KLRG1: variants seen among roughly 807,000 people sequenced by gnomAD.
The protein encoded by KLRG1 is killer cell lectin-like receptor subfamily G member 1.
In KLRG1, 16 loss-of-function variants were observed where a neutral mutation model predicts 21.8. That is an observed-to-expected ratio of 0.73 (90% CI 0.50 to 1.11). The LOEUF (loss-of-function observed/expected upper bound fraction) is 1.11. KLRG1 is among the 50% of genes most tolerant of loss of function. KLRG1 has a pLI of 0.00. For missense variants in KLRG1, 173 were observed against 218.3 expected, an observed-to-expected ratio of 0.79 and a Z score of 1.31; for synonymous variants, 69 against 75.9, an observed-to-expected ratio of 0.91 and a Z score of 0.47.
chr12:9,043,565 G>C, the KLRG1 span, among the ~76,000 whole-genome samples: 2 of 152,324 alleles, frequency 1.3e-5, no homozygotes, highest in African/African-American at 4.8e-5. Context: ...TTGTATGTGG[G>C]AGAGAGATGA....
chr12:8,963,255 A>G (rs1266132596), intron 1 of KLRG1, among the ~76,000 whole-genome samples: 1 of 152,192 alleles, frequency 6.6e-6, no homozygotes, highest in Admixed American at 6.5e-5. Flanking sequence ...CAAACAGGCC[A>G]CTAAAAGATA....
chr12:9,106,696 GACA>G, the KLRG1 span: 5 of 602,486 alleles, frequency 8.3e-6, no homozygotes, highest in Admixed American at 2.7e-5. Context: ...TTTGTGGGGG[GACA>G]ACATCATGTA....
At chr12:9,181,822 A>T in the KLRG1 span, among the ~76,000 whole-genome samples, 1 of 152,224 alleles carries the variant, frequency 6.6e-6, no homozygotes, top group Admixed American at 6.5e-5. Context: ...GTGCTGTACT[A>T]GATCCCTAGA....
the KLRG1 span, among the ~76,000 whole-genome samples, chr12:9,088,029 C>T: frequency 6.6e-5 from 10 of 151,882 alleles, no homozygotes; most frequent in African/African-American, 2.4e-4. Context: ...AAAAGCAATT[C>T]CAAGGAAAGA....
At chr12:9,171,748 G>A in the KLRG1 span, among the ~76,000 whole-genome samples, 1 of 152,136 alleles carries the variant, frequency 6.6e-6, no homozygotes. Flanking sequence ...CTCAGAGCCT[G>A]AAGATTATCT....
At chr12:9,038,343 A>G in the KLRG1 span, among the ~76,000 whole-genome samples, 35,770 of 152,108 alleles carry the variant, frequency 0.24, 4,865 homozygotes, top group East Asian at 0.32. Flanking sequence ...AGCAGAAGCC[A>G]AAGCTGCTGA....
the KLRG1 span, among the ~76,000 whole-genome samples, chr12:9,037,706 T>G: frequency 6.6e-6 from 1 of 152,154 alleles, no homozygotes; most frequent in Non-Finnish European, 1.5e-5. Context: ...ATTTTTAATG[T>G]TTTATACTGT....
the KLRG1 span, chr12:9,107,768 G>T: frequency 2.7e-6 from 3 of 1,092,792 alleles, no homozygotes; most frequent in South Asian, 2.0e-5. Context: ...CTCTCTGCTG[G>T]GCTCACACAA....
Position 8,953,662 on chromosome 12 carries a change from A to G in KLRG1, c.-156+3426A>G, listed in dbSNP as rs765985137. 9.8e-5 allele frequency among the ~76,000 whole-genome samples: 15 copies of G among 152,290 alleles called. 1 individual carries two copies. Among genetic ancestry groups the G allele is most frequent in the African/African-American group, 2.6e-4 (11 of 41,562 alleles). The stretch of plus-strand genomic sequence containing the variant: ...AAGTTTGCATTTTTTTTGGATAGAA[A>G]TGCAAGGGAAGTGATACGTTTTTAT... On this transcript the variant is annotated intron_variant, in intron 1 of 4. Transcript: ENST00000539240.
the KLRG1 span, chr12:9,168,997 T>G: frequency 1.3e-6 from 2 of 1,518,904 alleles, no homozygotes; most frequent in Non-Finnish European, 1.8e-6. Flanking sequence ...AATTGTTCAA[T>G]CTACTTGTAA....
Position 8,981,400 on chromosome 12 carries a change from T to C in KLRG1, c.-155-10806T>C, listed in dbSNP as rs1474397578. 2.6e-5 allele frequency among the ~76,000 whole-genome samples: 4 copies of C among 152,120 alleles called. No homozygotes were observed. In the South Asian group the frequency reaches 6.2e-4, roughly 24 times the overall value. On this transcript the variant is annotated intron_variant, in intron 1 of 4. Transcript: ENST00000539240. ...CTTTTCCATTCATTTAAAACTACAG[T>C]ATTTGCTGTAAGACTGTTTTAGCTG...
chr12:9,070,419 A>G, the KLRG1 span: 1 of 1,023,618 alleles, frequency 9.8e-7, no homozygotes, highest in Non-Finnish European at 1.5e-6. Context: ...TGATATTAGT[A>G]TTGTCTTATG....
chr12:9,157,620 A>G, the KLRG1 span: 1 of 762,404 alleles, frequency 1.3e-6, no homozygotes, highest in Non-Finnish European at 2.1e-6. Flanking sequence ...AATCTCTCTT[A>G]ATGCATCAAC....
chr12:9,077,459 T>C, the KLRG1 span: 1 of 1,576,128 alleles, frequency 6.3e-7, no homozygotes, highest in Non-Finnish European at 8.7e-7. Flanking sequence ...ATTCAACTTC[T>C]GAGAATGCTA....
chr12:9,210,964 A>G, the KLRG1 span, among the ~76,000 whole-genome samples: 1 of 152,300 alleles, frequency 6.6e-6, no homozygotes, highest in Middle Eastern at 3.4e-3. Flanking sequence ...ATCTTTTTAC[A>G]TATACCCTTT....
chr12:9,084,726 A>G, the KLRG1 span, among the ~76,000 whole-genome samples: 1 of 152,164 alleles, frequency 6.6e-6, no homozygotes, highest in African/African-American at 2.4e-5. Flanking sequence ...TTTAAAAGAC[A>G]TAAAGTGACT....
the KLRG1 span, among the ~76,000 whole-genome samples, chr12:9,120,884 T>TGTGTGTGTGTGTGTG: frequency 6.7e-6 from 1 of 150,370 alleles, no homozygotes; most frequent in Non-Finnish European, 1.5e-5. Context: ...TGTGTGTGTG[T>TGTGTGTGTGTGTGTG]ATTTTTTTTT....
chr12:8,977,025 A>G (rs1414568091), intron 1 of KLRG1, among the ~76,000 whole-genome samples: 1 of 152,130 alleles, frequency 6.6e-6, no homozygotes, highest in East Asian at 1.9e-4. Context: ...TGCTGGGATT[A>G]CAGGCAAGAG....
the KLRG1 span, among the ~76,000 whole-genome samples, chr12:9,215,008 C>T: frequency 1.3e-5 from 2 of 151,972 alleles, no homozygotes; most frequent in African/African-American, 4.8e-5. Context: ...AACCCATTAT[C>T]AGATATATGA....
Sources: allele counts gnomAD v4.1 joint callset (sites outside exome capture counted in the v4.1 genomes callset), GRCh38; gene constraint gnomAD v4.1.1; transcripts MANE v1.5; gene names NCBI Gene and HGNC (gene_info 2026-07-23, HGNC 2026-07-21).